The following ZNF664 variants were observed in gnomAD, a reference collection of about 807,000 sequenced individuals.
ZNF664 encodes zinc finger protein 664.
A neutral mutation model predicts 18.2 loss-of-function variants in ZNF664; 10 were observed. The ratio of observed to expected loss-of-function variants is 0.55; its 90% CI spans 0.34 to 0.93. The LOEUF is 0.93. Ranked by LOEUF, ZNF664 falls within the 40% of genes least tolerant of loss-of-function variation. The pLI, the probability that ZNF664 is intolerant of heterozygous loss-of-function variation, is 0.02. For missense variants in ZNF664, 193 were observed against 319.0 expected, an observed-to-expected ratio of 0.61 and a Z score of 3.01; for synonymous variants, 119 against 104.2, an observed-to-expected ratio of 1.14 and a Z score of -0.86.
chr12:123,988,413 C>A (rs1287663186), intron 3 of ZNF664, among the ~76,000 whole-genome samples: 1 of 152,158 alleles, frequency 6.6e-6, no homozygotes, highest in Non-Finnish European at 1.5e-5. Context: ...TCCATGTGAA[C>A]CATTGGTTAT....
At chr12:123,985,561 T>C (rs1186700817) in intron 2 of ZNF664, among the ~76,000 whole-genome samples, 2 of 152,286 alleles carry the variant, frequency 1.3e-5, no homozygotes, top group Admixed American at 1.3e-4. Flanking sequence ...TTGGCTTCAC[T>C]TATTTAAAAT....
At position 123,973,253 on chromosome 12, in the gene ZNF664, CGCGCGCGCGGCTCGGAG is replaced by C. The variant is rs1485741188; in HGVS notation, c.-986_-970del. ...GAGGCGTCTGGGTGTGCGGAGCGCG[CGCGCGCGCGGCTCGGAG>C]GCGCACCTGTGAGGTGTCCCTGAGG... On this transcript the variant is annotated 5_prime_UTR_variant, in exon 1 of 5. Transcript: ENST00000337815. The C allele has an allele frequency of 1.7e-5, 17 of 995,906 alleles. No homozygotes were observed. Among genetic ancestry groups the C allele is most frequent in the Non-Finnish European group, 1.9e-5 (16 of 839,674 alleles). The allele number at this position is 995,906 out of a possible 1,614,324, so 61.7% of individuals were successfully genotyped here. A position where few individuals can be genotyped will look rare whatever the true frequency, so the allele number is the denominator to read the frequency against.
Position 124,012,902 on chromosome 12 carries a change from G to C in ZNF664, c.758G>C (p.Arg253Thr). ...CACCAGAGAGTCCACACAAAGGAGAGAAACCATCTCAAAATATCAGTTATA... is the reference window on the plus strand; with the variant it reads ...CACCAGAGAGTCCACACAAAGGAGACAAACCATCTCAAAATATCAGTTATA... ...CIHQRVHTKERNHLKISVI is the reference protein window; with the variant it reads ...CIHQRVHTKETNHLKISVI Residue 253 changes from arginine (R) to threonine (T), a missense_variant, in exon 5 of 5, where the codon AGA (arginine) becomes ACA (threonine). Arg to Thr is a moderately conservative substitution (Grantham distance 71, BLOSUM62 -1). Coordinates refer to ENST00000337815, the MANE Select transcript of ZNF664 (RefSeq NM_152437.3). 1 of 1,613,972 alleles carries C rather than the reference G, an allele frequency of 6.2e-7. No individual in the cohort carries two copies. Among genetic ancestry groups the C allele is most frequent in the Non-Finnish European group, 8.5e-7 (1 of 1,179,978 alleles).
chr12:123,996,444 A>G (rs1341635585), intron 3 of ZNF664, among the ~76,000 whole-genome samples: 1 of 152,194 alleles, frequency 6.6e-6, no homozygotes, highest in Admixed American at 6.5e-5. Flanking sequence ...GAGATGCATA[A>G]CAATTCAAGA....
intron 2 of ZNF664, among the ~76,000 whole-genome samples, chr12:123,975,179 A>G (rs1956673598): frequency 6.6e-6 from 1 of 152,176 alleles, no homozygotes; most frequent in Non-Finnish European, 1.5e-5. Context: ...AATGTAAAGT[A>G]GTATATATAA....
chr12:123,983,499 A>G lies in ZNF664; in HGVS notation c.-756-4544A>G, dbSNP rs139360977. Among the ~76,000 whole-genome samples, 500 of 152,264 alleles carry G rather than the reference A, an allele frequency of 3.3e-3. 1 individual carries two copies. Among genetic ancestry groups the G allele is most frequent in the African/African-American group, 0.012 (479 of 41,550 alleles). ...CATAAAATAATCATAGGTTATTTCC[A>G]TATCTTATTTTGCAGTGTGTTCTAT... On this transcript the variant is annotated intron_variant, in intron 2 of 4. Coordinates refer to ENST00000337815, the MANE Select transcript of ZNF664 (RefSeq NM_152437.3).
chr12:123,994,991 C>T (rs1324627696), intron 3 of ZNF664, among the ~76,000 whole-genome samples: 2 of 152,100 alleles, frequency 1.3e-5, no homozygotes, highest in Non-Finnish European at 2.9e-5. Context: ...AACTAGGGGG[C>T]AAAGAACATC....
chr12:124,000,727 A>C (rs143865107), intron 3 of ZNF664, among the ~76,000 whole-genome samples: 8 of 152,016 alleles, frequency 5.3e-5, no homozygotes, highest in Non-Finnish European at 8.8e-5. Context: ...TTGTTTTTCA[A>C]CTTTATGTAA....
intron 3 of ZNF664, among the ~76,000 whole-genome samples, chr12:123,994,750 C>T (rs1005319487): frequency 6.6e-6 from 1 of 152,232 alleles, no homozygotes; most frequent in Non-Finnish European, 1.5e-5. Flanking sequence ...TATTCATGAA[C>T]TTTTCGTACT....
At chr12:123,978,802 A>G (rs750768635) in intron 2 of ZNF664, among the ~76,000 whole-genome samples, 2 of 152,366 alleles carry the variant, frequency 1.3e-5, no homozygotes, top group South Asian at 4.1e-4. Flanking sequence ...GGTGAACACA[A>G]GAATAGACAG....
At chr12:124,000,812 T>C (rs540531180) in intron 3 of ZNF664, among the ~76,000 whole-genome samples, 1 of 152,298 alleles carries the variant, frequency 6.6e-6, no homozygotes, top group Admixed American at 6.5e-5. Flanking sequence ...CTCCTGTAGC[T>C]TAGTCCCAGG....
intron 3 of ZNF664, among the ~76,000 whole-genome samples, chr12:124,009,096 A>G (rs1957106338): frequency 6.6e-6 from 1 of 152,226 alleles, no homozygotes; most frequent in South Asian, 2.1e-4. Flanking sequence ...TTATACTTAA[A>G]TCTAATTTTT....
chr12:124,001,549 T>A (rs1957012577), intron 3 of ZNF664, among the ~76,000 whole-genome samples: 1 of 152,178 alleles, frequency 6.6e-6, no homozygotes, highest in African/African-American at 2.4e-5. Context: ...ATGTATCTTC[T>A]CTTCACCCTG....
At chr12:123,978,007 C>T (rs1165207159) in intron 2 of ZNF664, among the ~76,000 whole-genome samples, 2 of 152,122 alleles carry the variant, frequency 1.3e-5, no homozygotes, top group Non-Finnish European at 2.9e-5. Flanking sequence ...GGAAAATTAT[C>T]CCCACTTTGC....
At chr12:123,996,071 T>G (rs1404008280) in intron 3 of ZNF664, among the ~76,000 whole-genome samples, 2 of 152,246 alleles carry the variant, frequency 1.3e-5, no homozygotes, top group Non-Finnish European at 2.9e-5. Flanking sequence ...GCCAGGCTCC[T>G]AAGCCATCTT....
intron 3 of ZNF664, among the ~76,000 whole-genome samples, chr12:123,994,128 A>G (rs1956919879): frequency 6.6e-6 from 1 of 152,120 alleles, no homozygotes; most frequent in East Asian, 1.9e-4. Flanking sequence ...TTTTTCTTAT[A>G]TCTAGAAGAG....
intron 3 of ZNF664, among the ~76,000 whole-genome samples, chr12:124,004,174 T>A (rs1957044319): frequency 6.6e-6 from 1 of 152,082 alleles, no homozygotes; most frequent in Non-Finnish European, 1.5e-5. Context: ...GCACAGTTTC[T>A]GGGGGTGATA....
rs1281017233 is a variant in ZNF664 at position 124,012,843 on chromosome 12, A to T, written c.699A>T (p.Gly233=). 1 of 1,612,760 alleles carries T rather than the reference A, an allele frequency of 6.2e-7. No homozygotes were observed. Among genetic ancestry groups the T allele is most frequent in the Admixed American group, 1.7e-5 (1 of 59,890 alleles). The part of the protein sequence containing the change: ...GEKPFKCDEC[G]KAFSQSTSLC... ...AACCTTTCAAATGTGATGAGTGCGG[A>T]AAGGCCTTCAGTCAGAGTACGAGCC... The change falls in exon 5 of 5, where the codon GGA becomes GGT. Residue 233 remains glycine, a synonymous_variant. Coordinates refer to ENST00000337815, the MANE Select transcript of ZNF664 (RefSeq NM_152437.3).
intron 2 of ZNF664, among the ~76,000 whole-genome samples, chr12:123,976,695 A>G (rs960908739): frequency 1.3e-5 from 2 of 151,504 alleles, no homozygotes; most frequent in African/African-American, 2.4e-5. Flanking sequence ...TGGCCATCTC[A>G]GAGGGCTGCC....
Sources: gnomAD v4.1 joint callset for allele counts (sites outside exome capture counted in the v4.1 genomes callset) on GRCh38, gnomAD v4.1.1 for gene constraint, MANE v1.5 for transcripts, NCBI Gene and HGNC (gene_info 2026-07-23, HGNC 2026-07-21) for gene names.